Variants in UNC13C observed in about 807,000 individuals in gnomAD.
UNC13C encodes protein unc-13 homolog C.
A neutral mutation model predicts 245.4 loss-of-function variants in UNC13C; 174 were observed. The observed-to-expected ratio is 0.71, with a 90% CI of 0.63 to 0.80. The LOEUF is 0.80. Among genes scored for constraint, UNC13C ranks in the 30% least tolerant of loss-of-function variants. The probability of loss-of-function intolerance (pLI) is 0.00; values close to 1 mark genes in which losing one functional copy is unlikely to be tolerated. For synonymous variants in UNC13C, 992 were observed against 895.1 expected (o/e 1.11, Z -1.93); for missense variants, 2,829 against 2,602.9 (o/e 1.09, Z -1.89).
At chr15:54,591,561 C>G (rs1247097527) in intron 30 of UNC13C, among the ~76,000 whole-genome samples, 2 of 152,028 alleles carry the variant, frequency 1.3e-5, no homozygotes, top group Non-Finnish European at 2.9e-5. Flanking sequence ...TCTAGATTTT[C>G]TAGTTTATGT....
chr15:54,490,032 C>T (rs1405416127), intron 19 of UNC13C, among the ~76,000 whole-genome samples: 4 of 152,026 alleles, frequency 2.6e-5, no homozygotes, highest in Admixed American at 6.6e-5. Flanking sequence ...TTTCTGTCCA[C>T]GGAGAACAAT....
chr15:54,176,960 T>C (rs927471211), intron 4 of UNC13C, among the ~76,000 whole-genome samples: 7 of 152,062 alleles, frequency 4.6e-5, no homozygotes, highest in East Asian at 1.9e-4. Context: ...ACCAGTAGCA[T>C]TGAGATTGAT....
intron 13 of UNC13C, 140 bp downstream of exon 13, chr15:54,300,513 ACT>A: frequency 3.8e-6 from 3 of 795,110 alleles, no homozygotes; most frequent in East Asian, 2.8e-5. Flanking sequence ...GATGCTGACT[ACT>A]CTCTCTTACA....
intron 2 of UNC13C, among the ~76,000 whole-genome samples, chr15:54,103,505 TA>T (rs1302979792): frequency 1.3e-5 from 2 of 152,220 alleles, no homozygotes; most frequent in Non-Finnish European, 2.9e-5. Context: ...GAAAACACAA[TA>T]GTATTACTTC....
intron 2 of UNC13C, among the ~76,000 whole-genome samples, chr15:54,110,236 T>C (rs1284586881): frequency 6.6e-6 from 1 of 151,370 alleles, no homozygotes; most frequent in Non-Finnish European, 1.5e-5. Flanking sequence ...GCCAAGATTG[T>C]GCCAACTGCA....
intron 19 of UNC13C, among the ~76,000 whole-genome samples, chr15:54,457,706 G>C (rs962299761): frequency 1.4e-4 from 22 of 151,876 alleles, no homozygotes; most frequent in African/African-American, 5.3e-4. Flanking sequence ...TATTTCTGTG[G>C]TATCAGTAGA....
At chr15:53,867,525 G>C in the UNC13C span, among the ~76,000 whole-genome samples, 1 of 152,132 alleles carries the variant, frequency 6.6e-6, no homozygotes, top group African/African-American at 2.4e-5. Flanking sequence ...GAAGGCTCGA[G>C]GTATCCACTG....
At chr15:54,511,965 G>A in intron 24 of UNC13C, 135 bp downstream of exon 24, 3 of 687,736 alleles carry the variant, frequency 4.4e-6, no homozygotes, top group Middle Eastern at 2.4e-4. Context: ...AATCTCAAAT[G>A]TCATTAACAA....
chr15:54,044,891 C>T (rs568651821), intron 2 of UNC13C, among the ~76,000 whole-genome samples: 182 of 151,950 alleles, frequency 1.2e-3, no homozygotes, highest in Non-Finnish European at 1.5e-3. Context: ...AATATATATT[C>T]GAATTATTTG....
At chr15:53,933,114 C>T in the UNC13C span, among the ~76,000 whole-genome samples, 1 of 152,142 alleles carries the variant, frequency 6.6e-6, no homozygotes, top group Admixed American at 6.5e-5. Context: ...TTCTCTTCAA[C>T]TCTAAATCTA....
intron 2 of UNC13C, among the ~76,000 whole-genome samples, chr15:54,045,628 A>C (rs999208552): frequency 6.6e-6 from 1 of 152,190 alleles, no homozygotes; most frequent in African/African-American, 2.4e-5. Flanking sequence ...GGAGAGTAGG[A>C]GTAGCTAATA....
rs1278162110 is a variant in UNC13C, at chr15:54,096,716, C to T, written c.2984-46302C>T. On this transcript the variant is annotated intron_variant, in intron 2 of 32. Transcript: ENST00000260323. The stretch of plus-strand genomic sequence containing the variant: ...CTCCGACCTTTCTCTCCAACCCTGT[C>T]TTGTACTCGTCTTCCTCCTTTAACT... 1.2e-4 allele frequency among the ~76,000 whole-genome samples: 18 copies of T among 152,280 alleles called. No individual in the cohort carries two copies. In the East Asian group the frequency reaches 3.5e-3, roughly 29 times the overall value.
intron 1 of UNC13C, among the ~76,000 whole-genome samples, chr15:53,987,348 G>T (rs940246418): frequency 6.6e-6 from 1 of 151,916 alleles, no homozygotes; most frequent in African/African-American, 2.4e-5. Flanking sequence ...TATTTGCCTT[G>T]GGAGAAATAG....
intron 2 of UNC13C, among the ~76,000 whole-genome samples, chr15:54,117,471 C>A (rs1390663703): frequency 1.3e-5 from 2 of 150,094 alleles, no homozygotes; most frequent in African/African-American, 4.9e-5. Flanking sequence ...AGGTAGAGGT[C>A]TAGTTTCATT....
chr15:53,845,733 A>G, the UNC13C span, among the ~76,000 whole-genome samples: 954 of 152,278 alleles, frequency 6.3e-3, 4 homozygotes, highest in Admixed American at 0.011. Context: ...GTACTGTTTT[A>G]TGAATGAATC....
intron 4 of UNC13C, among the ~76,000 whole-genome samples, chr15:54,204,393 C>T (rs541711917): frequency 1.2e-3 from 172 of 149,356 alleles, no homozygotes; most frequent in Non-Finnish European, 2.2e-3. Context: ...AAAGAATTTG[C>T]GATATTAACA....
At chr15:54,388,826 G>C (rs1051541027) in intron 17 of UNC13C, among the ~76,000 whole-genome samples, 2 of 151,868 alleles carry the variant, frequency 1.3e-5, no homozygotes, top group African/African-American at 2.4e-5. Flanking sequence ...CATATATACT[G>C]GAATTTTTTT....
intron 17 of UNC13C, among the ~76,000 whole-genome samples, chr15:54,375,581 A>C (rs948802028): frequency 6.6e-6 from 1 of 152,240 alleles, no homozygotes. Flanking sequence ...TGAATCAATG[A>C]AAAGAAGGAC....
At chr15:54,379,777 G>A (rs532688652) in intron 17 of UNC13C, among the ~76,000 whole-genome samples, 10 of 152,200 alleles carry the variant, frequency 6.6e-5, no homozygotes, top group Non-Finnish European at 1.3e-4. Context: ...TTCCACATAC[G>A]TTTCTTTTAC....
Sources: allele counts gnomAD v4.1 joint callset (sites outside exome capture counted in the v4.1 genomes callset), GRCh38; gene constraint gnomAD v4.1.1; transcripts MANE v1.5; gene names NCBI Gene and HGNC (gene_info 2026-07-23, HGNC 2026-07-21).